Variants in PC observed in about 807,000 individuals in gnomAD.
PC encodes the protein pyruvate carboxylase, also known as pyruvate carboxylase, mitochondrial.
Under a neutral mutation model 107.8 loss-of-function variants are expected in PC, and 46 were observed. The observed-to-expected ratio is 0.43, with a 90% CI of 0.34 to 0.55. The LOEUF is 0.55. Ranked by LOEUF, PC falls within the 20% of genes least tolerant of loss-of-function variation. PC has a pLI of 0.04. For synonymous variants in PC, 662 were observed against 684.7 expected, an observed-to-expected ratio of 0.97 and a Z score of 0.52; for missense variants, 1,241 against 1,643.1, an observed-to-expected ratio of 0.76 and a Z score of 4.23.
At position 66,924,452 on chromosome 11, in the gene PC, T is replaced by C. The variant is rs1026053975; in HGVS notation, c.-1+27978A>G. 1.1e-3 allele frequency among the ~76,000 whole-genome samples: 167 copies of C among 148,528 alleles called. 1 individual carries two copies. Among genetic ancestry groups the C allele is most frequent in the Non-Finnish European group, 6.0e-5 (4 of 67,186 alleles). ...AAAGAAAGAAAGAAAGGAAAAAAGT[T>C]AGAAATTAAGGATGCTGACTTAGCA... On this transcript the variant is annotated intron_variant, in intron 3 of 22. Coordinates refer to ENST00000393960, the MANE Select transcript of PC (RefSeq NM_001040716.2).
At position 66,947,944 on chromosome 11, in the gene PC, C is replaced by T. The variant is rs373079911; in HGVS notation, c.-1+4486G>A. ...TGCCACTGCACTCCAGCCTGGGCGA[C>T]AGAGTGAGATTCCGTCTCAAAAAAA... On this transcript the variant is annotated intron_variant, in intron 3 of 22. Transcript: ENST00000393960. Among the ~76,000 whole-genome samples, 151 of 142,462 alleles carry T rather than the reference C, an allele frequency of 1.1e-3. 3 individuals carry two copies. The South Asian group carries it at 0.033, about 31-fold the overall frequency. The allele number at this position is 142,462 out of a possible 152,430, so 93.5% of individuals were successfully genotyped here.
At chr11:66,889,031 G>A (rs767508392) in intron 3 of PC, among the ~76,000 whole-genome samples, 14 of 152,104 alleles carry the variant, frequency 9.2e-5, no homozygotes, top group Admixed American at 1.3e-4. Context: ...CCGAGATCGC[G>A]ACACCGCACC....
chr11:66,865,314 C>T (rs1946445347), intron 11 of PC, among the ~76,000 whole-genome samples: 1 of 152,272 alleles, frequency 6.6e-6, no homozygotes, highest in African/African-American at 2.4e-5. Flanking sequence ...GCCCGGGGGC[C>T]TCTGCCTTGG....
Position 66,858,536 on chromosome 11 carries a change from C to G in PC, c.1369-5153G>C, listed in dbSNP as rs184634237. The G allele has an allele frequency of 2.0e-6, 3 of 1,533,798 alleles. No homozygotes were observed. In the South Asian group the frequency reaches 3.6e-5, roughly 18 times the overall value. On this transcript the variant is annotated intron_variant, in intron 12 of 22. Transcript: ENST00000393960. The surrounding 1 kb of genome is among the most constrained non-coding windows in gnomAD (Gnocchi z 5.9). ...CGTGCGCCTCCCCGCCCGGCCTGGC[C>G]GGCCGCTACTTCTGGGCAGTGCCCG...
chr11:66,898,222 C>A (rs1947826705), intron 3 of PC, among the ~76,000 whole-genome samples: 2 of 152,240 alleles, frequency 1.3e-5, no homozygotes, highest in African/African-American at 4.8e-5. Context: ...AGCACCTCCA[C>A]CCGGCCAAAG....
intron 3 of PC, among the ~76,000 whole-genome samples, chr11:66,940,405 T>C (rs1450414983): frequency 6.6e-6 from 1 of 151,922 alleles, no homozygotes; most frequent in Non-Finnish European, 1.5e-5. Context: ...TTTTGGGAGT[T>C]TGCCAGGTGC....
intron 3 of PC, among the ~76,000 whole-genome samples, chr11:66,920,086 C>A (rs1288346792): frequency 6.6e-6 from 1 of 152,140 alleles, no homozygotes; most frequent in Non-Finnish European, 1.5e-5. Context: ...GGTAATCAAA[C>A]ACAGAGAGAA....
intron 3 of PC, among the ~76,000 whole-genome samples, chr11:66,931,743 C>T (rs181387604): frequency 7.9e-5 from 12 of 152,094 alleles, no homozygotes; most frequent in South Asian, 2.1e-4. Flanking sequence ...TGTAGCCGGG[C>T]GCAGTGGCTC....
At position 66,866,196 on chromosome 11, in the gene PC, G is replaced by T; in HGVS notation, c.1176C>A (p.Gly392=). ...CTCGAGCTCCGCCCACCTCAATGCGGCCGGTGTCCGGCTGGAAGCTGCGCG... is the reference window on the plus strand; with the variant it reads ...CTCGAGCTCCGCCCACCTCAATGCGTCCGGTGTCCGGCTGGAAGCTGCGCG... ...DPARSFQPDT[G]RIEVFRSGEG... The change falls in exon 11 of 23, where the codon GGC becomes GGA. Residue 392 remains glycine, a synonymous_variant. Transcript: ENST00000393960. The surrounding 1 kb of genome is among the most constrained non-coding windows in gnomAD (Gnocchi z 5.4). 6.2e-7 allele frequency: 1 copy of T among 1,608,754 alleles called. No homozygotes were observed.
chr11:66,940,658 AG>A (rs1949108250), intron 3 of PC, among the ~76,000 whole-genome samples: 1 of 152,092 alleles, frequency 6.6e-6, no homozygotes, highest in Admixed American at 6.6e-5. Flanking sequence ...ACTGTACTCC[AG>A]CCTGGGCAAC....
chr11:66,870,162 A>G lies in PC; in HGVS notation c.903+140T>C. 9.6e-7 allele frequency: 1 copy of G among 1,043,748 alleles called. No homozygotes were observed. Among genetic ancestry groups the G allele is most frequent in the East Asian group, 2.6e-5 (1 of 38,890 alleles). 64.7% of individuals were successfully genotyped at this position (1,043,748 alleles called of 1,614,324 possible). On this transcript the variant is annotated intron_variant, in intron 9 of 22. Coordinates refer to ENST00000393960, the MANE Select transcript of PC (RefSeq NM_001040716.2). The surrounding 1 kb of genome is among the most constrained non-coding windows in gnomAD (Gnocchi z 6.1). The stretch of plus-strand genomic sequence containing the variant: ...CACAAACCCACTTCTGGCCCCCAGG[A>G]GAGTCCTTCACCCTCTTCTCCCCAT...
At chr11:66,860,394 C>T (rs1357392600) in intron 12 of PC, 2 of 774,266 alleles carry the variant, frequency 2.6e-6, no homozygotes, top group Non-Finnish European at 4.4e-6. Context: ...CCAACAGGTG[C>T]TCACAGCCAC....
rs200217380 is a variant in PC at position 66,849,056 on chromosome 11, G to C, written c.3380C>G (p.Ala1127Gly). The change falls in exon 23 of 23, where the codon GCA becomes GGA. Residue 1127 changes from alanine to glycine, a missense_variant. Around this residue, in one of 2 missense-constraint regions of PC, gnomAD observed 98 missense variants for 91.2 expected, o/e 1.07. Coordinates refer to ENST00000393960, the MANE Select transcript of PC (RefSeq NM_001040716.2). ...CTGGCCCTTGGCCACCTTGGCCCCT[G>C]CCACCACTTTGATGTCTATCACCTT... is the stretch of plus-strand genomic sequence containing the variant. ...PGKVIDIKVV[A>G]GAKVAKGQPL... The C allele has an allele frequency of 6.2e-7, 1 of 1,614,078 alleles. No individual in the cohort carries two copies. Among genetic ancestry groups the C allele is most frequent in the Non-Finnish European group, 8.5e-7 (1 of 1,180,044 alleles).
chr11:66,910,979 C>T (rs1376947488), intron 3 of PC, among the ~76,000 whole-genome samples: 1 of 152,232 alleles, frequency 6.6e-6, no homozygotes, highest in Non-Finnish European at 1.5e-5. Flanking sequence ...ACCTTCTGAA[C>T]TTTAGTTTCC....
Position 66,850,512 on chromosome 11 carries a change from T to TC in PC, c.2474-49dup, listed in dbSNP as rs780337600. The TC allele has an allele frequency of 3.1e-6, 5 of 1,612,722 alleles. No homozygotes were observed. In the African/African-American group the frequency reaches 6.7e-5, roughly 22 times the overall value. On this transcript the variant is annotated intron_variant, in intron 18 of 22. Coordinates refer to ENST00000393960, the MANE Select transcript of PC (RefSeq NM_001040716.2). ...GGAGGCCTTAGAAATGTGTGACTCT[T>TC]CCAGGACCCAGGGCTAGCTCAGGTC...
intron 3 of PC, among the ~76,000 whole-genome samples, chr11:66,944,063 C>A (rs373687897): frequency 9.6e-6 from 1 of 104,574 alleles, no homozygotes. Flanking sequence ...GGGCGGAACA[C>A]AAGGTCAGGA....
chr11:66,851,097 G>C lies in PC; in HGVS notation c.2166C>G (p.Tyr722Ter). The C allele has an allele frequency of 6.2e-7, 1 of 1,613,370 alleles. No individual in the cohort carries two copies. Among genetic ancestry groups the C allele is most frequent in the Non-Finnish European group, 8.5e-7 (1 of 1,180,030 alleles). The change falls in exon 17 of 23, where the codon TAC becomes TAG. Residue 722 changes from tyrosine (Y) to a stop codon, truncating the protein, a stop_gained. Transcript: ENST00000393960. LOFTEE classifies it high-confidence loss of function. ...DPSRTKYSLQ[Y>*]YMGLAEELVR... ...CCAGCTCTTCGGCCAAGCCCATGTAGTACTGCAGTGAGTACTTGGTGCGGC... is the reference window on the plus strand; with the variant it reads ...CCAGCTCTTCGGCCAAGCCCATGTACTACTGCAGTGAGTACTTGGTGCGGC...
At chr11:66,923,615 G>C (rs1948645059) in intron 3 of PC, among the ~76,000 whole-genome samples, 1 of 151,904 alleles carries the variant, frequency 6.6e-6, no homozygotes, top group Non-Finnish European at 1.5e-5. Context: ...CCAGATGCAA[G>C]TGATTCTCCC....
At chr11:66,882,482 G>A (rs935082334) in intron 3 of PC, among the ~76,000 whole-genome samples, 1 of 152,230 alleles carries the variant, frequency 6.6e-6, no homozygotes, top group Non-Finnish European at 1.5e-5. Flanking sequence ...AGAGCACCTG[G>A]GTCCCTCAGC....
Sources: allele counts gnomAD v4.1 joint callset (sites outside exome capture counted in the v4.1 genomes callset), GRCh38; gene constraint gnomAD v4.1.1; regional missense constraint gnomAD v4.1.1; non-coding constraint Gnocchi (gnomAD v3.1); transcripts MANE v1.5; gene names NCBI Gene and HGNC (gene_info 2026-07-23, HGNC 2026-07-21).